The following ABCC12 variants were observed in gnomAD, a reference collection of about 807,000 sequenced individuals.
ABCC12 encodes the protein ATP-binding cassette sub-family C member 12.
A neutral mutation model predicts 151.1 loss-of-function variants in ABCC12; 142 were observed. The observed-to-expected ratio is 0.94, with a 90% CI of 0.82 to 1.08. The LOEUF (loss-of-function observed/expected upper bound fraction) is 1.08. Among genes scored for constraint, ABCC12 ranks in the 50% least tolerant of loss-of-function variants. The pLI, the probability that ABCC12 is intolerant of heterozygous loss-of-function variation, is 0.00. For missense variants in ABCC12, 1,638 were observed against 1,691.1 expected, an observed-to-expected ratio of 0.97 and a Z score of 0.55; for synonymous variants, 645 against 646.4, an observed-to-expected ratio of 1.00 and a Z score of 0.03.
chr16:48,085,605 G>GAGA lies in ABCC12; in HGVS notation c.3813_3815dup (p.Leu1272dup), dbSNP rs1158149406. ...CGTGTTTTCTTACCTTTGAATTACGGAGAAGAGCTCGGGCCACACAAAGCA... is the reference window on the plus strand; with the variant it reads ...CGTGTTTTCTTACCTTTGAATTACGGAGAAGAAGAGCTCGGGCCACACAAAGCA... On this transcript the variant is annotated inframe_insertion, in exon 29 of 31. Transcript: ENST00000311303. 6.2e-6 allele frequency: 10 copies of GAGA among 1,614,048 alleles called. No individual in the cohort carries two copies. Among genetic ancestry groups the GAGA allele is most frequent in the Non-Finnish European group, 6.8e-6 (8 of 1,179,950 alleles).
chr16:48,115,071 TGGG>T (rs1288119251), intron 15 of ABCC12, among the ~76,000 whole-genome samples: 2 of 152,018 alleles, frequency 1.3e-5, no homozygotes, highest in Non-Finnish European at 2.9e-5. Context: ...GGAGTAAGGG[TGGG>T]GCCGTCATTG....
Position 48,085,670 on chromosome 16 carries a change from T to C in ABCC12, c.3751A>G (p.Thr1251Ala). The C allele has an allele frequency of 6.2e-7, 1 of 1,614,212 alleles. No individual in the cohort carries two copies. The highest frequency in any genetic ancestry group is 8.5e-7 in the Non-Finnish European group (1 of 1,180,018). ...KLPEKLQAEVTENGENFSVGE... is the reference protein window; with the variant it reads ...KLPEKLQAEVAENGENFSVGE... Reference sequence around the variant, plus strand: ...ACTGAGAAGTTTTCTCCATTTTCTGTGACTTCTGCCTGTAATTTTTCTGGG... The same window carrying C: ...ACTGAGAAGTTTTCTCCATTTTCTGCGACTTCTGCCTGTAATTTTTCTGGG... Residue 1251 changes from threonine to alanine, a missense_variant, in exon 29 of 31, where the codon ACA becomes GCA. Physicochemically the swap from Thr to Ala is moderately conservative, Grantham distance 58. Coordinates refer to ENST00000311303, the MANE Select transcript of ABCC12 (RefSeq NM_001393797.1).
intron 18 of ABCC12, among the ~76,000 whole-genome samples, chr16:48,109,149 G>A (rs1196809439): frequency 1.3e-5 from 2 of 152,146 alleles, no homozygotes; most frequent in African/African-American, 4.8e-5. Context: ...TTTGGGAGGG[G>A]GCTGGGCATG....
chr16:48,149,943 G>T (rs770134569), intron 2 of ABCC12, among the ~76,000 whole-genome samples: 25 of 152,174 alleles, frequency 1.6e-4, no homozygotes, highest in Non-Finnish European at 3.1e-4. Flanking sequence ...GCAAGTCTTG[G>T]CATATGTATG....
At chr16:48,144,311 C>G (rs1964926820) in intron 3 of ABCC12, among the ~76,000 whole-genome samples, 1 of 152,162 alleles carries the variant, frequency 6.6e-6, no homozygotes. Flanking sequence ...AATTAAATTA[C>G]CTAAGTTTTA....
intron 2 of ABCC12, among the ~76,000 whole-genome samples, chr16:48,150,524 A>G (rs1490774345): frequency 2.6e-5 from 4 of 152,210 alleles, no homozygotes; most frequent in Non-Finnish European, 4.4e-5. Context: ...CCATTTATAT[A>G]AAGTTTGCAA....
intron 8 of ABCC12, among the ~76,000 whole-genome samples, chr16:48,136,102 G>C (rs1188724528): frequency 6.6e-6 from 1 of 152,204 alleles, no homozygotes; most frequent in East Asian, 1.9e-4. Flanking sequence ...AGGTTTGCTT[G>C]CGCAGGTTTG....
intron 8 of ABCC12, 59 bp from the exon 9 acceptor site, chr16:48,133,894 T>C (rs1424523332): frequency 2.4e-5 from 39 of 1,598,350 alleles, no homozygotes; most frequent in Non-Finnish European, 3.2e-5. Flanking sequence ...ACTAGCATTA[T>C]GAAATGTATT....
chr16:48,150,664 C>T (rs182382034), intron 2 of ABCC12, among the ~76,000 whole-genome samples: 2 of 152,164 alleles, frequency 1.3e-5, no homozygotes, highest in East Asian at 3.9e-4. Flanking sequence ...ATTGGAGAAT[C>T]GTATTAGAAC....
Position 48,111,819 on chromosome 16 carries a change from C to A in ABCC12, c.2081G>T (p.Arg694Leu). Reference sequence around the variant, plus strand: ...CAGGTTGTGAATCAGTTTTGCATAGCGCCCTCTCTCCTCCATTAACTCCTT... The same window carrying A: ...CAGGTTGTGAATCAGTTTTGCATAGAGCCCTCTCTCCTCCATTAACTCCTT... ...THKELMEERG[R>L]YAKLIHNLRG... The change falls in exon 16 of 31, where the codon CGC becomes CTC. Residue 694 changes from arginine (R) to leucine (L), a missense_variant. Physicochemically the swap from Arg to Leu is moderately radical, Grantham distance 102. Transcript: ENST00000311303. The A allele has an allele frequency of 1.9e-6, 3 of 1,614,154 alleles. 1 individual carries two copies. The highest frequency in any genetic ancestry group is 2.2e-5 in the South Asian group (2 of 91,072).
In ABCC12 at chr16:48,143,910, CT is replaced by C. The variant is rs752384519; in HGVS notation, c.274del (p.Arg92AspfsTer10). ...CAGTGACCCAAGCAAATCCTGGTAC[CT>C]TTTGGCATTGGTGTCAGATGAGTCA... Reference protein sequence around the residue: ...TYDSSDTNAKRFRVLWDEEVA... With the variant: ...TYDSSDTNAKXFRVLWDEEVA... On this transcript the variant is annotated frameshift_variant and splice_region_variant, in exon 4 of 31. Transcript: ENST00000311303. LOFTEE classifies it high-confidence loss of function. 6.2e-7 allele frequency: 1 copy of C among 1,612,842 alleles called. No homozygotes were observed. The highest frequency in any genetic ancestry group is 1.1e-5 in the South Asian group (1 of 90,928).
intron 3 of ABCC12, among the ~76,000 whole-genome samples, chr16:48,145,095 T>C (rs749101123): frequency 1.6e-4 from 25 of 152,082 alleles, no homozygotes; most frequent in Non-Finnish European, 3.7e-4. Flanking sequence ...TATAAACTGG[T>C]TGAAAAAGTG....
At position 48,086,808 on chromosome 16, in the gene ABCC12, T is replaced by A; in HGVS notation, c.3647A>T (p.Asp1216Val). 1 of 1,613,304 alleles carries A rather than the reference T, an allele frequency of 6.2e-7. No individual in the cohort carries two copies. The highest frequency in any genetic ancestry group is 8.5e-7 in the Non-Finnish European group (1 of 1,179,634). ...LFVGTVRYNL[D>V]PFESHTDEML... ...CTCATCGGTGTGACTCTCAAAGGGA[T>A]CCAAGTTGTACCTGCAATGAAGGAG... Residue 1216 changes from aspartate to valine, a missense_variant, in exon 28 of 31, where the codon GAT (aspartate) becomes GTT (valine). Transcript: ENST00000311303.
In ABCC12 at chr16:48,100,948, A is replaced by G; in HGVS notation, c.2962T>C (p.Phe988Leu). Reference sequence around the variant, plus strand: ...TGCATGGAGGAGGTGATGTGGGTGAACCAGGGTGACCGGCTGACATTCTCC... The same window carrying G: ...TGCATGGAGGAGGTGATGTGGGTGAGCCAGGGTGACCGGCTGACATTCTCC... The part of the protein sequence containing the change: ...KVENVSRSPW[F>L]THITSSMQGL... Residue 988 changes from phenylalanine (F) to leucine (L), a missense_variant, in exon 23 of 31, where the codon TTC becomes CTC. By Grantham distance (22) the Phe-to-Leu change is conservative (BLOSUM62 0). Coordinates refer to ENST00000311303, the MANE Select transcript of ABCC12 (RefSeq NM_001393797.1). The G allele has an allele frequency of 6.2e-7, 1 of 1,614,226 alleles. No individual in the cohort carries two copies. Among genetic ancestry groups the G allele is most frequent in the Non-Finnish European group, 8.5e-7 (1 of 1,180,022 alleles).
In ABCC12 at chr16:48,143,910, C is replaced by A; in HGVS notation, c.275G>T (p.Arg92Ile). 1.2e-6 allele frequency: 2 copies of A among 1,612,846 alleles called. No homozygotes were observed. Among genetic ancestry groups the A allele is most frequent in the South Asian group, 2.2e-5 (2 of 90,928 alleles). The change falls in exon 4 of 31, where the codon AGA (arginine) becomes ATA (isoleucine). Residue 92 changes from arginine (R) to isoleucine (I), a missense_variant and splice_region_variant. By Grantham distance (97) the Arg-to-Ile change is moderately conservative. Coordinates refer to ENST00000311303, the MANE Select transcript of ABCC12 (RefSeq NM_001393797.1). Reference protein sequence around the residue: ...TYDSSDTNAKRFRVLWDEEVA... With the variant: ...TYDSSDTNAKIFRVLWDEEVA... ...CAGTGACCCAAGCAAATCCTGGTAC[C>A]TTTTGGCATTGGTGTCAGATGAGTC... is the stretch of plus-strand genomic sequence containing the variant.
chr16:48,124,322 C>T (rs767432896), intron 11 of ABCC12, 38 bp from the exon 12 acceptor site: 1 of 1,601,104 alleles, frequency 6.2e-7, no homozygotes. Context: ...GTCACTCTCT[C>T]CCACTTCTTA....
chr16:48,140,571 G>A (rs1964768951), intron 6 of ABCC12, 116 bp downstream of exon 6: 8 of 962,822 alleles, frequency 8.3e-6, no homozygotes, highest in Non-Finnish European at 1.3e-5. Flanking sequence ...GACATGATGG[G>A]CAGGTCATAG....
At chr16:48,102,636 C>A (rs973883424) in intron 22 of ABCC12, among the ~76,000 whole-genome samples, 1 of 152,150 alleles carries the variant, frequency 6.6e-6, no homozygotes, top group African/African-American at 2.4e-5. Context: ...CCCAGAGCCA[C>A]ACCTGCCCCT....
chr16:48,107,833 C>T (rs1351436835), intron 19 of ABCC12, among the ~76,000 whole-genome samples: 1 of 152,152 alleles, frequency 6.6e-6, no homozygotes, highest in Non-Finnish European at 1.5e-5. Context: ...GAAACCTCGT[C>T]TCTACTAAAA....
Sources: gnomAD v4.1 joint callset for allele counts (sites outside exome capture counted in the v4.1 genomes callset) on GRCh38, gnomAD v4.1.1 for gene constraint, MANE v1.5 for transcripts, NCBI Gene and HGNC (gene_info 2026-07-23, HGNC 2026-07-21) for gene names.